Variants in ABTB3 observed in about 807,000 individuals in gnomAD.
ABTB3 encodes the protein ankyrin repeat- and BTB/POZ domain-containing protein 3.
chr12:107,617,134 G>A, the ABTB3 span: 1 of 1,614,194 alleles, frequency 6.2e-7, no homozygotes, highest in South Asian at 1.1e-5. Context: ...AGTGGAGCAT[G>A]GCGAGGAGAA....
the ABTB3 span, among the ~76,000 whole-genome samples, chr12:107,322,284 A>G: frequency 1.3e-5 from 2 of 151,936 alleles, no homozygotes; most frequent in Non-Finnish European, 2.9e-5. Context: ...ACAGCGCTTA[A>G]CTCTTGGGTT....
At chr12:107,526,964 T>C in the ABTB3 span, among the ~76,000 whole-genome samples, 1 of 152,148 alleles carries the variant, frequency 6.6e-6, no homozygotes. Flanking sequence ...TACTGATATT[T>C]CTTGAATATT....
the ABTB3 span, among the ~76,000 whole-genome samples, chr12:107,476,903 A>G: frequency 2.5e-3 from 387 of 152,236 alleles, 2 homozygotes; most frequent in Non-Finnish European, 4.2e-3. Flanking sequence ...TCATATCTAT[A>G]TGCATGTAGC....
At chr12:107,635,218 T>C in the ABTB3 span, 1 of 1,426,392 alleles carries the variant, frequency 7.0e-7, no homozygotes, top group Non-Finnish European at 9.8e-7. Context: ...GACGCATTCC[T>C]GGGGCACAGC....
At chr12:107,635,251 C>G in the ABTB3 span, 4 of 1,597,142 alleles carry the variant, frequency 2.5e-6, no homozygotes, top group Non-Finnish European at 3.4e-6. Context: ...GGCCACAGCC[C>G]CCTGTATCAT....
the ABTB3 span, chr12:107,618,137 C>T: frequency 1.2e-6 from 2 of 1,610,638 alleles, no homozygotes; most frequent in Non-Finnish European, 1.7e-6. Flanking sequence ...GTGTCATCCT[C>T]TCTGGGTTTA....
At chr12:107,334,891 T>C in the ABTB3 span, among the ~76,000 whole-genome samples, 1 of 152,120 alleles carries the variant, frequency 6.6e-6, no homozygotes, top group Non-Finnish European at 1.5e-5. Flanking sequence ...AAGTGGTCCC[T>C]TGCATCAGGT....
At chr12:107,484,730 A>C in the ABTB3 span, among the ~76,000 whole-genome samples, 1 of 152,198 alleles carries the variant, frequency 6.6e-6, no homozygotes, top group East Asian at 1.9e-4. Flanking sequence ...TGAAGGTAGC[A>C]GATGAAGTTG....
chr12:107,563,872 G>A, the ABTB3 span, among the ~76,000 whole-genome samples: 2 of 152,178 alleles, frequency 1.3e-5, no homozygotes, highest in Non-Finnish European at 2.9e-5. Flanking sequence ...GCATGGAATG[G>A]GAGCATGACA....
chr12:107,573,488 G>GAATC, the ABTB3 span, among the ~76,000 whole-genome samples: 1 of 151,940 alleles, frequency 6.6e-6, no homozygotes, highest in East Asian at 1.9e-4. Flanking sequence ...ATGGATGGAT[G>GAATC]GATGGATGGA....
chr12:107,338,664 C>A, the ABTB3 span, among the ~76,000 whole-genome samples: 1 of 152,070 alleles, frequency 6.6e-6, no homozygotes, highest in East Asian at 1.9e-4. Flanking sequence ...GGACATAATC[C>A]CCCAACTCTT....
At chr12:107,410,164 G>A in the ABTB3 span, among the ~76,000 whole-genome samples, 32 of 150,410 alleles carry the variant, frequency 2.1e-4, 2 homozygotes, top group Admixed American at 1.3e-3. Context: ...GCCACTCAGG[G>A]CACCTCCAGA....
chr12:107,596,569 C>T, the ABTB3 span, among the ~76,000 whole-genome samples: 2 of 152,086 alleles, frequency 1.3e-5, no homozygotes, highest in African/African-American at 4.8e-5. Context: ...GAGCTGAGAT[C>T]GCACTACCAC....
chr12:107,547,761 T>A, the ABTB3 span, among the ~76,000 whole-genome samples: 2 of 152,184 alleles, frequency 1.3e-5, no homozygotes, highest in Admixed American at 6.5e-5. Flanking sequence ...TTATTTCACC[T>A]CTTTGAACTT....
chr12:107,482,370 C>G, the ABTB3 span, among the ~76,000 whole-genome samples: 1 of 152,262 alleles, frequency 6.6e-6, no homozygotes, highest in South Asian at 2.1e-4. Context: ...GACCTGAGAC[C>G]TGGGAGCCAG....
chr12:107,463,262 GTGA>G, the ABTB3 span, among the ~76,000 whole-genome samples: 1 of 151,044 alleles, frequency 6.6e-6, no homozygotes, highest in African/African-American at 2.4e-5. Context: ...GATGGTGATG[GTGA>G]TGATGATAGA....
At chr12:107,542,084 C>G in the ABTB3 span, among the ~76,000 whole-genome samples, 17 of 151,956 alleles carry the variant, frequency 1.1e-4, no homozygotes, top group Admixed American at 1.1e-3. Flanking sequence ...CCAAGGCGGG[C>G]GGATCACCTG....
the ABTB3 span, chr12:107,617,279 A>C: frequency 6.2e-7 from 1 of 1,612,572 alleles, no homozygotes. Flanking sequence ...CTCTTATAAA[A>C]CCCCCTTCTC....
At chr12:107,441,774 C>CAAA in the ABTB3 span, among the ~76,000 whole-genome samples, 2,215 of 79,984 alleles carry the variant, frequency 0.028, 223 homozygotes, top group African/African-American at 0.12. Flanking sequence ...CTTGTCTCTA[C>CAAA]AAAAAAAAAA....
Sources: gnomAD v4.1 joint callset for allele counts (sites outside exome capture counted in the v4.1 genomes callset) on GRCh38, gnomAD v4.1.1 for gene constraint, MANE v1.5 for transcripts, NCBI Gene and HGNC (gene_info 2026-07-23, HGNC 2026-07-21) for gene names.